The following SLC35F5 variants were observed in gnomAD, a reference collection of about 807,000 sequenced individuals.
SLC35F5 encodes the protein HCV NS5A-transactivated protein 3.
Under a neutral mutation model 68.6 loss-of-function variants are expected in SLC35F5, and 54 were observed. That is an observed-to-expected ratio of 0.79 (90% CI 0.63 to 0.99). SLC35F5 has a LOEUF of 0.99. Among genes scored for constraint, SLC35F5 ranks in the 50% least tolerant of loss-of-function variants. The pLI, the probability that SLC35F5 is intolerant of heterozygous loss-of-function variation, is 0.00. For missense variants in SLC35F5, 567 were observed against 626.9 expected (o/e 0.90, Z 1.02); for synonymous variants, 211 against 205.2 (o/e 1.03, Z -0.24).
rs1281914078 is a variant in SLC35F5 at position 113,707,471 on chromosome 2, CT to C, written c.*7746del. Among the ~76,000 whole-genome samples the C allele has an allele frequency of 1.3e-5, 2 of 152,178 alleles. No homozygotes were observed. The highest frequency in any genetic ancestry group is 6.5e-5 in the Admixed American group (1 of 15,274). On this transcript the variant is annotated 3_prime_UTR_variant, in exon 16 of 16. Transcript: ENST00000245680. ...CCTTTACAAGGATTTACTAGGATGA[CT>C]GCAAAGAAAGGCAAATTAAATATAC...
At position 113,735,083 on chromosome 2, in the gene SLC35F5, C is replaced by T. The variant is rs930989761; in HGVS notation, c.833-410G>A. 3.9e-5 allele frequency among the ~76,000 whole-genome samples: 6 copies of T among 152,012 alleles called. No homozygotes were observed. In the South Asian group the frequency reaches 6.2e-4, roughly 16 times the overall value. ...TAAAAATAAAACACCTATCATAGGGCAAATTATAGTTCTGAAATAAGCAAT... is the reference window on the plus strand; with the variant it reads ...TAAAAATAAAACACCTATCATAGGGTAAATTATAGTTCTGAAATAAGCAAT... On this transcript the variant is annotated intron_variant, in intron 8 of 15. Coordinates refer to ENST00000245680, the MANE Select transcript of SLC35F5 (RefSeq NM_025181.5).
chr2:113,747,317 G>A (rs1000432476), intron 4 of SLC35F5, among the ~76,000 whole-genome samples: 2 of 150,818 alleles, frequency 1.3e-5, no homozygotes, highest in Admixed American at 6.6e-5. Flanking sequence ...TGAATTTCAA[G>A]GTCTGGATCA....
At chr2:113,704,710 G>A (rs1359766484), downstream of SLC35F5, among the ~76,000 whole-genome samples, 6 of 151,618 alleles carry the variant, frequency 4.0e-5, no homozygotes, top group Admixed American at 3.3e-4. Flanking sequence ...TGCGGGGCCC[G>A]CCGAGCCCAC....
chr2:113,752,144 GGAGATTGCAGTGAGCC>G (rs1559366329), intron 3 of SLC35F5, among the ~76,000 whole-genome samples: 1 of 151,308 alleles, frequency 6.6e-6, no homozygotes, highest in Non-Finnish European at 1.5e-5. Context: ...CCTGGGAGGC[GGAGATTGCAGTGAGCC>G]GAGATAGTGC....
intron 7 of SLC35F5, among the ~76,000 whole-genome samples, chr2:113,740,633 T>C (rs922499202): frequency 1.3e-5 from 2 of 152,204 alleles, no homozygotes; most frequent in Non-Finnish European, 2.9e-5. Flanking sequence ...TTTTTTCTTT[T>C]TCTTTTTTTT....
chr2:113,744,849 T>C (rs184210942), intron 5 of SLC35F5, among the ~76,000 whole-genome samples: 399 of 152,352 alleles, frequency 2.6e-3, no homozygotes, highest in African/African-American at 9.4e-3. Context: ...TGTCTAACCA[T>C]GCTCCAAAGG....
chr2:113,755,975 T>C (rs1283040093), intron 1 of SLC35F5: 77 of 1,547,474 alleles, frequency 5.0e-5, no homozygotes, highest in Non-Finnish European at 6.5e-5. Flanking sequence ...TGATTTGCTG[T>C]GGGTCTTGAA....
At position 113,756,432 on chromosome 2, in the gene SLC35F5, A is replaced by G. The variant is rs1164045403; in HGVS notation, c.-23T>C. On this transcript the variant is annotated 5_prime_UTR_variant, in exon 1 of 16. Coordinates refer to ENST00000245680, the MANE Select transcript of SLC35F5 (RefSeq NM_025181.5). ...CATGAGCGGACCGGTCAGGCCCCGC[A>G]GCCGCCCAGCGCCACGGCCGCGGCC... is the stretch of plus-strand genomic sequence containing the variant. 3 of 1,543,604 alleles carry G rather than the reference A, an allele frequency of 1.9e-6. No homozygotes were observed. In the East Asian group the frequency reaches 7.3e-5, roughly 38 times the overall value.
intron 12 of SLC35F5, among the ~76,000 whole-genome samples, chr2:113,723,735 T>C (rs1258471213): frequency 1.3e-5 from 2 of 152,210 alleles, no homozygotes; most frequent in East Asian, 1.9e-4. Context: ...AAATATTTTC[T>C]TGTTGTTTTC....
rs890575396 is a variant in SLC35F5 at position 113,707,927 on chromosome 2, A to AT, written c.*7290dup. On this transcript the variant is annotated 3_prime_UTR_variant, in exon 16 of 16. Coordinates refer to ENST00000245680, the MANE Select transcript of SLC35F5 (RefSeq NM_025181.5). ...TATACTACAATGTATCCTGGCACTTATTTTTTTTAAACCATTATCAGATAT... is the reference window on the plus strand; with the variant it reads ...TATACTACAATGTATCCTGGCACTTATTTTTTTTTAAACCATTATCAGATAT... Among the ~76,000 whole-genome samples, 2 of 152,008 alleles carry AT rather than the reference A, an allele frequency of 1.3e-5. No homozygotes were observed. The highest frequency in any genetic ancestry group is 2.4e-5 in the African/African-American group (1 of 41,394).
chr2:113,720,785 TTA>T (rs1687400561), intron 13 of SLC35F5, among the ~76,000 whole-genome samples: 1 of 152,156 alleles, frequency 6.6e-6, no homozygotes, highest in South Asian at 2.1e-4. Flanking sequence ...ACTAAAAACC[TTA>T]TTTCATAACT....
chr2:113,718,769 T>C (rs1382638259), intron 14 of SLC35F5, among the ~76,000 whole-genome samples: 2 of 149,018 alleles, frequency 1.3e-5, no homozygotes, highest in East Asian at 4.0e-4. Flanking sequence ...CACTCCAGGC[T>C]GGGCTACAGA....
rs755987979 is a variant in SLC35F5 at position 113,735,818 on chromosome 2, T to C, written c.791A>G (p.Asp264Gly). The C allele has an allele frequency of 1.2e-6, 2 of 1,609,858 alleles. No homozygotes were observed. The highest frequency in any genetic ancestry group is 3.4e-5 in the Admixed American group (2 of 59,330). The change falls in exon 8 of 16, where the codon GAC becomes GGC. Residue 264 changes from aspartate to glycine, a missense_variant. Asp to Gly is a moderately conservative substitution (Grantham distance 94, BLOSUM62 -1). Transcript: ENST00000245680. ...AATATTAACTATAGCAACTTGTGTG[T>C]CTGAAAGTGCTTCTTGATATGACAA... is the stretch of plus-strand genomic sequence containing the variant. ...ANLSYQEALS[D>G]TQVAIVNILS...
At chr2:113,736,575 T>C (rs969580834) in intron 7 of SLC35F5, among the ~76,000 whole-genome samples, 1 of 152,214 alleles carries the variant, frequency 6.6e-6, no homozygotes, top group African/African-American at 2.4e-5. Context: ...AGAAATCTAT[T>C]AAACCAGATG....
At chr2:113,732,824 T>A (rs1010603337) in intron 9 of SLC35F5, among the ~76,000 whole-genome samples, 1 of 152,262 alleles carries the variant, frequency 6.6e-6, no homozygotes, top group East Asian at 1.9e-4. Context: ...TTATCCCCAA[T>A]ATACAGACGA....
Position 113,709,096 on chromosome 2 carries a change from G to A in SLC35F5, c.*6122C>T, listed in dbSNP as rs1471272938. Among the ~76,000 whole-genome samples the A allele has an allele frequency of 6.6e-6, 1 of 152,248 alleles. No homozygotes were observed. Among genetic ancestry groups the A allele is most frequent in the East Asian group, 1.9e-4 (1 of 5,200 alleles). ...AAGCAAAAACAAAATTACGGCCTAT[G>A]TGGTGTCACTGTTATTACCACTCTT... On this transcript the variant is annotated 3_prime_UTR_variant, in exon 16 of 16. Transcript: ENST00000245680.
chr2:113,751,219 A>G (rs1676723687), intron 3 of SLC35F5, among the ~76,000 whole-genome samples: 1 of 152,300 alleles, frequency 6.6e-6, no homozygotes, highest in East Asian at 1.9e-4. Context: ...TAGAGGAGAC[A>G]TATATATGAA....
chr2:113,720,884 G>A (rs1687404396), intron 13 of SLC35F5, among the ~76,000 whole-genome samples: 1 of 152,086 alleles, frequency 6.6e-6, no homozygotes, highest in Non-Finnish European at 1.5e-5. Context: ...CTGTTTATAT[G>A]TTGTCTCATA....
chr2:113,725,519 T>C lies in SLC35F5; in HGVS notation c.1109A>G (p.Asn370Ser). Residue 370 changes from asparagine (N) to serine (S), a missense_variant, in exon 12 of 16, where the codon AAT (asparagine) becomes AGT (serine). Transcript: ENST00000245680. Reference protein sequence around the residue: ...PMFFGFVGLFNLLLLWPGFFL... With the variant: ...PMFFGFVGLFSLLLLWPGFFL... ...GAAACCTGGCCATAAGAGCAGCAGA[T>C]TAAACAAACCTACAAAACCTGAACA... The C allele has an allele frequency of 6.3e-7, 1 of 1,584,506 alleles. No individual in the cohort carries two copies. The highest frequency in any genetic ancestry group is 2.2e-5 in the East Asian group (1 of 44,602).
Sources: allele counts gnomAD v4.1 joint callset (sites outside exome capture counted in the v4.1 genomes callset), GRCh38; gene constraint gnomAD v4.1.1; transcripts MANE v1.5; gene names NCBI Gene and HGNC (gene_info 2026-07-23, HGNC 2026-07-21).